The following MYCT1 variants were observed in gnomAD, a reference collection of about 807,000 sequenced individuals.
MYCT1 encodes the protein MYC target 1.
Under a neutral mutation model 15.0 loss-of-function variants are expected in MYCT1, and 12 were observed. The ratio of observed to expected loss-of-function variants is 0.80; its 90% CI spans 0.51 to 1.29. MYCT1 has a LOEUF of 1.29. Among genes scored for constraint, MYCT1 ranks in the 50% most tolerant of loss-of-function variants. The pLI is 0.00. For missense variants in MYCT1, 287 were observed against 279.1 expected, an observed-to-expected ratio of 1.03 and a Z score of -0.20; for synonymous variants, 104 against 102.7, an observed-to-expected ratio of 1.01 and a Z score of -0.07.
At chr6:152,730,380 G>A in the MYCT1 span, among the ~76,000 whole-genome samples, 1 of 152,142 alleles carries the variant, frequency 6.6e-6, no homozygotes, top group Non-Finnish European at 1.5e-5. Context: ...ATGCTCCCCG[G>A]TGGATTGAAA....
intron 1 of MYCT1, among the ~76,000 whole-genome samples, chr6:152,699,750 AAAAC>A (rs1334454397): frequency 6.6e-6 from 1 of 152,140 alleles, no homozygotes; most frequent in Non-Finnish European, 1.5e-5. Flanking sequence ...TTTACTTAAA[AAAAC>A]AAATCATTAT....
At chr6:152,743,416 G>C in the MYCT1 span, among the ~76,000 whole-genome samples, 1 of 152,154 alleles carries the variant, frequency 6.6e-6, no homozygotes, top group Non-Finnish European at 1.5e-5. Context: ...GCCACAGAAA[G>C]GAGTGTGGAC....
At chr6:152,744,275 C>G in the MYCT1 span, among the ~76,000 whole-genome samples, 1 of 152,200 alleles carries the variant, frequency 6.6e-6, no homozygotes, top group Non-Finnish European at 1.5e-5. Context: ...GGCTAGAGTG[C>G]CCTTCCTCCA....
chr6:152,742,462 G>A, the MYCT1 span, among the ~76,000 whole-genome samples: 1 of 152,166 alleles, frequency 6.6e-6, no homozygotes, highest in Non-Finnish European at 1.5e-5. Flanking sequence ...GACCATTGAT[G>A]AGAATAGCGT....
At chr6:152,730,560 A>C in the MYCT1 span, among the ~76,000 whole-genome samples, 2 of 152,258 alleles carry the variant, frequency 1.3e-5, no homozygotes, top group African/African-American at 4.8e-5. Flanking sequence ...TTTGTTTAAT[A>C]AAATGACTTT....
intron 1 of MYCT1, among the ~76,000 whole-genome samples, chr6:152,712,800 T>C (rs571190959): frequency 6.6e-6 from 1 of 152,288 alleles, no homozygotes; most frequent in East Asian, 1.9e-4. Flanking sequence ...CTTTTATGAA[T>C]GTAATGTTAT....
At chr6:152,707,613 GT>G (rs145591621) in intron 1 of MYCT1, among the ~76,000 whole-genome samples, 14,901 of 151,816 alleles carry the variant, frequency 0.098, 1,306 homozygotes, top group African/African-American at 0.23. Flanking sequence ...TCCTCTAGTA[GT>G]TTTTTGGGTT....
chr6:152,733,763 C>T, the MYCT1 span, among the ~76,000 whole-genome samples: 2 of 152,116 alleles, frequency 1.3e-5, no homozygotes, highest in African/African-American at 4.8e-5. Flanking sequence ...TGGGAATAGG[C>T]AAGTTAAAAT....
chr6:152,731,018 T>G, the MYCT1 span, among the ~76,000 whole-genome samples: 1 of 152,008 alleles, frequency 6.6e-6, no homozygotes, highest in Non-Finnish European at 1.5e-5. Flanking sequence ...AAACAAAAAT[T>G]TAAAGCATAA....
At position 152,723,062 on chromosome 6, in the gene MYCT1, G is replaced by C. The variant is rs2129070967; in HGVS notation, c.*809G>C. The C allele has an allele frequency of 1.9e-5, 3 of 155,170 alleles. No individual in the cohort carries two copies. In the South Asian group the frequency reaches 5.9e-4, roughly 30 times the overall value. 9.6% of individuals were successfully genotyped at this position (155,170 alleles called of 1,614,324 possible). A position where few individuals can be genotyped will look rare whatever the true frequency, so the allele number is the denominator to read the frequency against. On this transcript the variant is annotated 3_prime_UTR_variant, in exon 2 of 2. Transcript: ENST00000367245. ...TTAATGGAATATGTGGGCACAAAAT[G>C]ACAGAACATAGGACATTCTAAAGTT...
chr6:152,727,780 A>G (rs1343532862), downstream of MYCT1, among the ~76,000 whole-genome samples: 1 of 152,198 alleles, frequency 6.6e-6, no homozygotes, highest in Non-Finnish European at 1.5e-5. Context: ...CTGAAAAGCT[A>G]CAGCAGAAAT....
chr6:152,700,209 CTA>C (rs1282961598), intron 1 of MYCT1, among the ~76,000 whole-genome samples: 1 of 151,998 alleles, frequency 6.6e-6, no homozygotes, highest in Non-Finnish European at 1.5e-5. Context: ...AAATTGATGT[CTA>C]TTTTGACCAC....
chr6:152,714,084 A>G (rs544244268), intron 1 of MYCT1, among the ~76,000 whole-genome samples: 1 of 152,064 alleles, frequency 6.6e-6, no homozygotes, highest in Admixed American at 6.6e-5. Flanking sequence ...TCCTAGCTTG[A>G]TGTTTTTATT....
At chr6:152,734,809 C>T in the MYCT1 span, among the ~76,000 whole-genome samples, 1 of 152,090 alleles carries the variant, frequency 6.6e-6, no homozygotes, top group African/African-American at 2.4e-5. Context: ...GACTCTTGGT[C>T]TCATTGAATC....
chr6:152,724,140 C>T lies in MYCT1; in HGVS notation c.*1887C>T, dbSNP rs1366620789. The T allele has an allele frequency of 6.6e-6, 1 of 151,414 alleles. No individual in the cohort carries two copies. The highest frequency in any genetic ancestry group is 2.4e-5 in the African/African-American group (1 of 41,244). 9.4% of individuals were successfully genotyped at this position (151,414 alleles called of 1,614,324 possible). A position where few individuals can be genotyped will look rare whatever the true frequency, so the allele number is the denominator to read the frequency against. On this transcript the variant is annotated 3_prime_UTR_variant, in exon 2 of 2. Coordinates refer to ENST00000367245, the MANE Select transcript of MYCT1 (RefSeq NM_025107.3). ...TGGAAGAAAAAGGGAAAAAAGCTAA[C>T]CGGATAACCAATTTGTTATAAGTTG...
the MYCT1 span, among the ~76,000 whole-genome samples, chr6:152,742,071 T>TG: frequency 6.6e-6 from 1 of 152,224 alleles, no homozygotes; most frequent in African/African-American, 2.4e-5. Flanking sequence ...AAATAGTTAC[T>TG]GAGCACCTAT....
chr6:152,714,509 T>C (rs982983833), intron 1 of MYCT1, among the ~76,000 whole-genome samples: 2 of 151,320 alleles, frequency 1.3e-5, no homozygotes, highest in Non-Finnish European at 3.0e-5. Flanking sequence ...TAGGCACATC[T>C]CACATGTTTC....
chr6:152,720,382 C>T (rs2099724478), intron 1 of MYCT1, among the ~76,000 whole-genome samples: 1 of 152,082 alleles, frequency 6.6e-6, no homozygotes, highest in South Asian at 2.1e-4. Context: ...GAAATAGACT[C>T]TATCTCTTGA....
the MYCT1 span, among the ~76,000 whole-genome samples, chr6:152,743,117 A>G: frequency 1.3e-5 from 2 of 152,100 alleles, no homozygotes; most frequent in Non-Finnish European, 1.5e-5. Context: ...GTGCAGTCAC[A>G]TGATCTCAGC....
Sources: allele counts gnomAD v4.1 joint callset (sites outside exome capture counted in the v4.1 genomes callset), GRCh38; gene constraint gnomAD v4.1.1; transcripts MANE v1.5; gene names NCBI Gene and HGNC (gene_info 2026-07-23, HGNC 2026-07-21).